DZIP1L: variants seen among roughly 807,000 people sequenced by gnomAD.
DZIP1L encodes DAZ interacting zinc finger protein 1 like.
In DZIP1L, 90 loss-of-function variants were observed where a neutral mutation model predicts 88.7. The ratio of observed to expected loss-of-function variants is 1.02; its 90% CI spans 0.86 to 1.21. The LOEUF (loss-of-function observed/expected upper bound fraction) is 1.21, where lower values mean the gene tolerates loss of function less well. DZIP1L is among the 50% of genes most tolerant of loss of function. The pLI is 0.00. For synonymous variants in DZIP1L, 363 were observed against 372.1 expected, an observed-to-expected ratio of 0.98 and a Z score of 0.28; for missense variants, 932 against 955.8, an observed-to-expected ratio of 0.98 and a Z score of 0.33.
intron 14 of DZIP1L, among the ~76,000 whole-genome samples, chr3:138,067,299 G>C (rs908752786): frequency 6.6e-6 from 1 of 152,148 alleles, no homozygotes; most frequent in Non-Finnish European, 1.5e-5. Context: ...ACAAAACAAG[G>C]GGTAAAACTA....
intron 3 of DZIP1L, 58 bp downstream of exon 3, chr3:138,097,705 A>T: frequency 6.6e-7 from 1 of 1,512,246 alleles, no homozygotes; most frequent in South Asian, 1.2e-5. Context: ...CCCACTGAAT[A>T]CCAGCCCCAG....
chr3:138,101,809 T>TGATACTCAC, intron 2 of DZIP1L: 2 of 1,188,214 alleles, frequency 1.7e-6, no homozygotes, highest in South Asian at 2.4e-5. Context: ...CATCAGCTCC[T>TGATACTCAC]GATACTCACG....
At chr3:138,102,819 G>A in intron 2 of DZIP1L, 2 of 732,220 alleles carry the variant, frequency 2.7e-6, no homozygotes, top group Non-Finnish European at 5.1e-6. Context: ...TCAAGGAGCT[G>A]ATGCCAGCAC....
chr3:138,077,992 T>A (rs183740096), intron 10 of DZIP1L, among the ~76,000 whole-genome samples: 66 of 152,268 alleles, frequency 4.3e-4, no homozygotes, highest in African/African-American at 1.6e-3. Flanking sequence ...TTAGCATATA[T>A]CAGAATCACC....
Position 138,103,761 on chromosome 3 carries a change from C to T in DZIP1L, c.211G>A (p.Val71Met), listed in dbSNP as rs1301243905. 3.1e-6 allele frequency: 5 copies of T among 1,614,030 alleles called. No homozygotes were observed. The highest frequency in any genetic ancestry group is 3.4e-6 in the Non-Finnish European group (4 of 1,180,050). Residue 71 changes from valine (V) to methionine (M), a missense_variant, in exon 2 of 16, where the codon GTG becomes ATG. Coordinates refer to ENST00000327532, the MANE Select transcript of DZIP1L (RefSeq NM_173543.3). ...ACAGGCTGCCCACAGCGGCTGCACACCTCCCGGTCCAAGTTGCAGAAGGTG... is the reference window on the plus strand; with the variant it reads ...ACAGGCTGCCCACAGCGGCTGCACATCTCCCGGTCCAAGTTGCAGAAGGTG... ...GITFCNLDRE[V>M]CSRCGQPVDP...
At position 138,086,960 on chromosome 3, in the gene DZIP1L, C is replaced by T; in HGVS notation, c.1062+1G>A. On this transcript the variant is annotated splice_donor_variant, in intron 7 of 15. Coordinates refer to ENST00000327532, the MANE Select transcript of DZIP1L (RefSeq NM_173543.3). LOFTEE classifies it high-confidence loss of function. ...CCCCGAGATCACCCAACAAAAGCTA[C>T]CTCTTTCTTCTCAGCCATGTGCTCT... 1 of 1,613,716 alleles carries T rather than the reference C, an allele frequency of 6.2e-7. No individual in the cohort carries two copies. Among genetic ancestry groups the T allele is most frequent in the Non-Finnish European group, 8.5e-7 (1 of 1,179,896 alleles).
intron 11 of DZIP1L, among the ~76,000 whole-genome samples, chr3:138,075,785 C>A (rs1387270560): frequency 6.6e-6 from 1 of 152,110 alleles, no homozygotes; most frequent in East Asian, 1.9e-4. Context: ...CGAGACCATC[C>A]TGGCAAACAT....
chr3:138,075,547 T>C (rs1943366806), intron 11 of DZIP1L, among the ~76,000 whole-genome samples: 1 of 152,250 alleles, frequency 6.6e-6, no homozygotes, highest in Admixed American at 6.5e-5. Flanking sequence ...AACCTGTTCC[T>C]GAATAATCGT....
intron 1 of DZIP1L, among the ~76,000 whole-genome samples, chr3:138,111,480 T>C (rs1396332190): frequency 2.0e-5 from 3 of 152,120 alleles, no homozygotes; most frequent in Non-Finnish European, 2.9e-5. Flanking sequence ...TGTCAAGATA[T>C]GGCCTCAGTG....
chr3:138,097,051 C>T (rs931915083), intron 3 of DZIP1L, among the ~76,000 whole-genome samples: 21 of 151,730 alleles, frequency 1.4e-4, no homozygotes, highest in African/African-American at 4.8e-4. Context: ...TATGGTGGTG[C>T]GTGCCTGCAG....
In DZIP1L at chr3:138,064,654, C is replaced by T. The variant is rs761773290; in HGVS notation, c.2116G>A (p.Ala706Thr). 6.2e-7 allele frequency: 1 copy of T among 1,614,038 alleles called. No individual in the cohort carries two copies. Among genetic ancestry groups the T allele is most frequent in the Non-Finnish European group, 8.5e-7 (1 of 1,180,004 alleles). The change falls in exon 15 of 16, where the codon GCT (alanine) becomes ACT (threonine). Residue 706 changes from alanine (A) to threonine (T), a missense_variant. Coordinates refer to ENST00000327532, the MANE Select transcript of DZIP1L (RefSeq NM_173543.3). ...FFMPNAGPQRAATPGRKPQLS... is the reference protein window; with the variant it reads ...FFMPNAGPQRTATPGRKPQLS... ...TGAGGCTTCCTTCCTGGTGTGGCAG[C>T]CCTCTGTGGCCCAGCATTGGGCATA...
intron 11 of DZIP1L, among the ~76,000 whole-genome samples, chr3:138,074,076 C>T (rs1943293738): frequency 6.6e-6 from 1 of 152,082 alleles, no homozygotes; most frequent in Admixed American, 6.6e-5. Flanking sequence ...AACATCCAAA[C>T]CTAAGAATAA....
intron 5 of DZIP1L, chr3:138,089,287 A>G: frequency 4.1e-6 from 4 of 985,272 alleles, no homozygotes; most frequent in Non-Finnish European, 4.8e-6. Flanking sequence ...TTTCAGAGTC[A>G]AATGCTTGAT....
chr3:138,072,305 C>T (rs1051999665), intron 11 of DZIP1L, among the ~76,000 whole-genome samples: 1 of 152,090 alleles, frequency 6.6e-6, no homozygotes, highest in Non-Finnish European at 1.5e-5. Context: ...GGAAGTTGCT[C>T]GAGCTTTTGA....
intron 2 of DZIP1L, chr3:138,102,234 T>G (rs868191630): frequency 2.1e-6 from 3 of 1,421,308 alleles, no homozygotes; most frequent in Admixed American, 3.4e-5. Flanking sequence ...CTCCTCTTCA[T>G]ACAGCTGCCT....
intron 3 of DZIP1L, among the ~76,000 whole-genome samples, chr3:138,096,542 T>A (rs1944472960): frequency 6.6e-6 from 1 of 152,230 alleles, no homozygotes; most frequent in Non-Finnish European, 1.5e-5. Context: ...TATATATGTC[T>A]ACGGAAAAAC....
intron 7 of DZIP1L, among the ~76,000 whole-genome samples, chr3:138,086,468 T>C (rs1053091810): frequency 1.3e-5 from 2 of 152,160 alleles, no homozygotes; most frequent in Admixed American, 1.3e-4. Context: ...AGGACATTTT[T>C]ACAGAAGCTG....
At chr3:138,089,666 T>C (rs1187102041) in intron 5 of DZIP1L, among the ~76,000 whole-genome samples, 1 of 152,174 alleles carries the variant, frequency 6.6e-6, no homozygotes, top group South Asian at 2.1e-4. Context: ...TCTTGCTGGT[T>C]TTTACCCTTA....
chr3:138,097,902 G>C, intron 2 of DZIP1L, 55 bp from the exon 3 acceptor site: 1 of 1,504,742 alleles, frequency 6.6e-7, no homozygotes, highest in African/African-American at 1.4e-5. Context: ...GAGTCAGCCT[G>C]GGATTTTCCC....
Sources: allele counts gnomAD v4.1 joint callset (sites outside exome capture counted in the v4.1 genomes callset), GRCh38; gene constraint gnomAD v4.1.1; transcripts MANE v1.5; gene names NCBI Gene and HGNC (gene_info 2026-07-23, HGNC 2026-07-21).